NMNAT1: variants seen among roughly 807,000 people sequenced by gnomAD.
The protein encoded by NMNAT1 is nicotinamide nucleotide adenylyltransferase 1, also known as nicotinamide/nicotinic acid mononucleotide adenylyltransferase 1.
In NMNAT1, 11 loss-of-function variants were observed where a neutral mutation model predicts 16.7. That is an observed-to-expected ratio of 0.66 (90% CI 0.41 to 1.09). The LOEUF is 1.09. NMNAT1 is among the 50% of genes least tolerant of loss of function. NMNAT1 has a pLI of 0.00. For synonymous variants in NMNAT1, 110 were observed against 119.8 expected (o/e 0.92, Z 0.53); for missense variants, 280 against 332.3 (o/e 0.84, Z 1.22).
chr1:9,964,929 CAAAAA>C (rs775381643), intron 1 of NMNAT1, among the ~76,000 whole-genome samples: 3 of 33,444 alleles, frequency 9.0e-5, no homozygotes. Context: ...ACCTGGGCGA[CAAAAA>C]AAAAAAAAAA....
chr1:9,964,850 A>T (rs1641504622), intron 1 of NMNAT1, among the ~76,000 whole-genome samples: 1 of 143,216 alleles, frequency 7.0e-6, no homozygotes, highest in African/African-American at 2.6e-5. Context: ...CGGGAGGCTG[A>T]GGCAGGAGAA....
At chr1:9,990,880 G>C in the NMNAT1 span, among the ~76,000 whole-genome samples, 1 of 152,096 alleles carries the variant, frequency 6.6e-6, no homozygotes, top group South Asian at 2.1e-4. Flanking sequence ...AATAAATTAT[G>C]CTTCTCCTTC....
At position 9,945,317 on chromosome 1, in the gene NMNAT1, A is replaced by G. The variant is rs1451119140; in HGVS notation, c.-57+1802A>G. 2.6e-5 allele frequency among the ~76,000 whole-genome samples: 4 copies of G among 152,312 alleles called. No individual in the cohort carries two copies. The East Asian group carries it at 5.8e-4, about 22-fold the overall frequency. On this transcript the variant is annotated intron_variant, in intron 1 of 4. Coordinates refer to ENST00000377205, the MANE Select transcript of NMNAT1 (RefSeq NM_022787.4). ...TATCTTTCAATTTTGATTCATAAATATGTGTGGAAGTGTCAATGTTTTGGG... is the reference window on the plus strand; with the variant it reads ...TATCTTTCAATTTTGATTCATAAATGTGTGTGGAAGTGTCAATGTTTTGGG...
At chr1:9,977,067 C>T (rs1029019074) in intron 3 of NMNAT1, among the ~76,000 whole-genome samples, 46 of 151,248 alleles carry the variant, frequency 3.0e-4, no homozygotes, top group Non-Finnish European at 1.6e-4. Context: ...CCACCACGCC[C>T]GGCTAATTTT....
At chr1:9,954,448 C>T (rs779101693) in intron 1 of NMNAT1, among the ~76,000 whole-genome samples, 1 of 151,940 alleles carries the variant, frequency 6.6e-6, no homozygotes, top group Non-Finnish European at 1.5e-5. Flanking sequence ...TGACTTCACA[C>T]GATCCTCCCA....
intron 1 of NMNAT1, among the ~76,000 whole-genome samples, chr1:9,966,303 CAGAA>C (rs1247332905): frequency 6.8e-6 from 1 of 147,034 alleles, no homozygotes; most frequent in Non-Finnish European, 1.5e-5. Flanking sequence ...CATCTCAAAA[CAGAA>C]AGAAATTATT....
chr1:9,960,258 C>T (rs1420467521), intron 1 of NMNAT1, among the ~76,000 whole-genome samples: 1 of 151,686 alleles, frequency 6.6e-6, no homozygotes, highest in African/African-American at 2.4e-5. Flanking sequence ...GTACTGCAGC[C>T]TAGGCAACAG....
At chr1:9,977,173 G>A (rs558724119) in intron 3 of NMNAT1, among the ~76,000 whole-genome samples, 36 of 152,210 alleles carry the variant, frequency 2.4e-4, no homozygotes, top group Non-Finnish European at 4.7e-4. Context: ...CTCCCAAAGT[G>A]CGGGGATTAC....
intron 1 of NMNAT1, among the ~76,000 whole-genome samples, chr1:9,967,793 A>G (rs1022187044): frequency 6.6e-6 from 1 of 152,062 alleles, no homozygotes; most frequent in African/African-American, 2.4e-5. Flanking sequence ...CAGCCTGGGC[A>G]ATATGGCAAA....
At chr1:9,949,645 G>A (rs1015914585) in intron 1 of NMNAT1, 4 of 151,342 alleles carry the variant, frequency 2.6e-5, no homozygotes, top group African/African-American at 4.9e-5. Flanking sequence ...TAGTGGAGAC[G>A]GAGTTTCACC....
At chr1:9,945,703 A>T (rs1230871030) in intron 1 of NMNAT1, among the ~76,000 whole-genome samples, 1 of 152,210 alleles carries the variant, frequency 6.6e-6, no homozygotes, top group Non-Finnish European at 1.5e-5. Flanking sequence ...CAAAAAAATA[A>T]TAATAATAAT....
intron 1 of NMNAT1, among the ~76,000 whole-genome samples, chr1:9,954,506 G>A (rs888550004): frequency 6.6e-6 from 1 of 152,160 alleles, no homozygotes; most frequent in Non-Finnish European, 1.5e-5. Flanking sequence ...ACTGGACCCA[G>A]CCCTGTATCA....
At chr1:9,969,867 T>G (rs1425198691) in intron 1 of NMNAT1, among the ~76,000 whole-genome samples, 3 of 152,170 alleles carry the variant, frequency 2.0e-5, no homozygotes, top group Non-Finnish European at 4.4e-5. Flanking sequence ...GTTTCCAGAC[T>G]GAAAGGACCT....
downstream of NMNAT1, among the ~76,000 whole-genome samples, chr1:9,988,092 G>T (rs150672738): frequency 0.031 from 4,641 of 152,052 alleles, 108 homozygotes; most frequent in Non-Finnish European, 0.045. Context: ...CCACCTCTCA[G>T]GTTCAAGAAA....
chr1:9,990,692 C>T, the NMNAT1 span, among the ~76,000 whole-genome samples: 4 of 152,164 alleles, frequency 2.6e-5, no homozygotes, highest in Non-Finnish European at 4.4e-5. Context: ...CAGCATCAGA[C>T]TCCATCAAGC....
intron 1 of NMNAT1, chr1:9,952,574 G>A (rs529938234): frequency 5.3e-5 from 8 of 151,948 alleles, no homozygotes; most frequent in Admixed American, 2.6e-4. Flanking sequence ...GTCTCACTCT[G>A]TCACCCAGGC....
downstream of NMNAT1, among the ~76,000 whole-genome samples, chr1:9,988,734 A>AT (rs70998338): frequency 0.65 from 83,767 of 128,492 alleles, 31,555 homozygotes; most frequent in Non-Finnish European, 0.85. Flanking sequence ...GGGTACCTTG[A>AT]TTTTTTTTTT....
chr1:9,962,201 C>T (rs749191599), intron 1 of NMNAT1, among the ~76,000 whole-genome samples: 9 of 151,764 alleles, frequency 5.9e-5, no homozygotes, highest in Non-Finnish European at 1.3e-4. Flanking sequence ...TAACAGCTGC[C>T]GCCGGGCGCG....
At chr1:9,985,937 T>C (rs780388657), downstream of NMNAT1, among the ~76,000 whole-genome samples, 16 of 152,160 alleles carry the variant, frequency 1.1e-4, no homozygotes, top group Non-Finnish European at 2.1e-4. Context: ...GTGTGAGCCA[T>C]CACGCTCTGC....
Sources: gnomAD v4.1 joint callset for allele counts (sites outside exome capture counted in the v4.1 genomes callset) on GRCh38, gnomAD v4.1.1 for gene constraint, MANE v1.5 for transcripts, NCBI Gene and HGNC (gene_info 2026-07-23, HGNC 2026-07-21) for gene names.